ITGB5: variants seen among roughly 807,000 people sequenced by gnomAD.
ITGB5 encodes integrin subunit beta 5.
A neutral mutation model predicts 84.8 loss-of-function variants in ITGB5; 38 were observed. That is an observed-to-expected ratio of 0.45 (90% CI 0.35 to 0.59). The LOEUF (loss-of-function observed/expected upper bound fraction) is 0.59. Ranked by LOEUF, ITGB5 falls within the 20% of genes least tolerant of loss-of-function variation. The pLI, the probability that ITGB5 is intolerant of heterozygous loss-of-function variation, is 0.01. For missense variants in ITGB5, 905 were observed against 1,034.5 expected (o/e 0.87, Z 1.72); for synonymous variants, 393 against 414.4 (o/e 0.95, Z 0.63).
Position 124,766,287 on chromosome 3 carries a change from C to A in ITGB5, c.2076G>T (p.Met692Ile). ...CFYKTAKDCV[M>I]MFTYVELPSG... Reference sequence around the variant, plus strand: ...TGGGGAGCTCCACATAGGTGAACATCATGACGCAGTCCTTGGCGGTTTTGT... The same window carrying A: ...TGGGGAGCTCCACATAGGTGAACATAATGACGCAGTCCTTGGCGGTTTTGT... The change falls in exon 13 of 15, where the codon ATG (methionine) becomes ATT (isoleucine). Residue 692 changes from methionine to isoleucine, a missense_variant. By Grantham distance (10) the Met-to-Ile change is conservative (BLOSUM62 1). Coordinates refer to ENST00000296181, the MANE Select transcript of ITGB5 (RefSeq NM_002213.5). 6.2e-7 allele frequency: 1 copy of A among 1,614,146 alleles called. No individual in the cohort carries two copies. Among genetic ancestry groups the A allele is most frequent in the Non-Finnish European group, 8.5e-7 (1 of 1,180,012 alleles).
chr3:124,767,149 A>G (rs2063779089), intron 12 of ITGB5, among the ~76,000 whole-genome samples: 2 of 152,218 alleles, frequency 1.3e-5, no homozygotes, highest in South Asian at 4.1e-4. Flanking sequence ...AAAGTGAGGC[A>G]AGGGGTGAGG....
rs370853955 is a variant in ITGB5 at position 124,900,862 on chromosome 3, C to A, written c.-255+404G>T. ...TAAATAAAACATTGATTTCTCTGAACAATTGTACCAAACTTTATGCACCAT... is the reference window on the plus strand; with the variant it reads ...TAAATAAAACATTGATTTCTCTGAAAAATTGTACCAAACTTTATGCACCAT... On this transcript the variant is annotated intron_variant, in intron 1 of 4. Coordinates refer to the ITGB5 transcript ENST00000608657. Among the ~76,000 whole-genome samples the A allele has an allele frequency of 2.9e-4, 44 of 152,212 alleles. No individual in the cohort carries two copies. The South Asian group carries it at 6.2e-3, about 22-fold the overall frequency.
At chr3:124,891,259 C>T (rs1236246641), upstream of ITGB5, among the ~76,000 whole-genome samples, 1 of 152,116 alleles carries the variant, frequency 6.6e-6, no homozygotes, top group Non-Finnish European at 1.5e-5. Context: ...AAACAGATAC[C>T]TGTACACCAA....
intron 3 of ITGB5, among the ~76,000 whole-genome samples, chr3:124,853,029 C>G (rs1461472437): frequency 6.6e-6 from 1 of 152,068 alleles, no homozygotes; most frequent in African/African-American, 2.4e-5. Flanking sequence ...CTTCTTTCTT[C>G]TTTTCCCTCA....
chr3:124,835,863 G>C (rs1672899307), intron 5 of ITGB5, among the ~76,000 whole-genome samples: 1 of 152,336 alleles, frequency 6.6e-6, no homozygotes, highest in Middle Eastern at 3.4e-3. Flanking sequence ...GCCTGACTCT[G>C]GGACTGGGGA....
At chr3:124,780,590 G>A in intron 10 of ITGB5, 1 of 152,588 alleles carries the variant, frequency 6.6e-6, no homozygotes, top group Non-Finnish European at 1.5e-5. Context: ...GCCTGAGACA[G>A]GAGGGCCGTC....
chr3:124,850,174 C>T (rs918852352), intron 3 of ITGB5, among the ~76,000 whole-genome samples: 3 of 152,050 alleles, frequency 2.0e-5, no homozygotes, highest in Non-Finnish European at 2.9e-5. Context: ...CTCCTCCCAC[C>T]GTGACAACAA....
At position 124,821,311 on chromosome 3, in the gene ITGB5, A is replaced by T. The variant is rs773925096; in HGVS notation, c.942+2T>A. ...AGGGGGGATCTGGTTCCCGGCACTCACCATCTGGTTGGATGCAGTGTACTC... is the reference window on the plus strand; with the variant it reads ...AGGGGGGATCTGGTTCCCGGCACTCTCCATCTGGTTGGATGCAGTGTACTC... On this transcript the variant is annotated splice_donor_variant, in intron 6 of 14. Transcript: ENST00000296181. LOFTEE classifies it high-confidence loss of function. 4 of 1,611,932 alleles carry T rather than the reference A, an allele frequency of 2.5e-6. No individual in the cohort carries two copies. In the South Asian group the frequency reaches 4.4e-5, roughly 18 times the overall value.
At chr3:124,807,663 T>C (rs532295057) in intron 9 of ITGB5, among the ~76,000 whole-genome samples, 1 of 151,906 alleles carries the variant, frequency 6.6e-6, no homozygotes, top group African/African-American at 2.4e-5. Flanking sequence ...GGTATGTCTG[T>C]GGCTGGGCAC....
chr3:124,777,908 C>CT (rs1298700105), intron 10 of ITGB5, among the ~76,000 whole-genome samples: 1 of 152,232 alleles, frequency 6.6e-6, no homozygotes, highest in Admixed American at 6.5e-5. Flanking sequence ...CCTGCATCTT[C>CT]TGGTCAGCCC....
At chr3:124,869,970 G>A (rs1933909958) in intron 2 of ITGB5, among the ~76,000 whole-genome samples, 2 of 152,180 alleles carry the variant, frequency 1.3e-5, no homozygotes, top group African/African-American at 4.8e-5. Context: ...AGGAGGCTCA[G>A]CTAATCAGCC....
At chr3:124,860,880 G>A (rs1020215780) in intron 2 of ITGB5, among the ~76,000 whole-genome samples, 3 of 152,194 alleles carry the variant, frequency 2.0e-5, no homozygotes, top group African/African-American at 7.2e-5. Flanking sequence ...ACTACCCAAT[G>A]CCCTTTAGAA....
chr3:124,785,572 G>C (rs572738858), intron 10 of ITGB5, among the ~76,000 whole-genome samples: 1 of 137,920 alleles, frequency 7.3e-6, no homozygotes, highest in South Asian at 2.3e-4. Flanking sequence ...GGAACAGAAC[G>C]AGACTCCATC....
At chr3:124,802,254 A>G (rs548414425) in intron 9 of ITGB5, among the ~76,000 whole-genome samples, 4 of 152,354 alleles carry the variant, frequency 2.6e-5, no homozygotes, top group African/African-American at 7.2e-5. Context: ...GGATGTCAGC[A>G]CAGTCACTGG....
chr3:124,834,056 C>T (rs2064894314), intron 5 of ITGB5, among the ~76,000 whole-genome samples: 1 of 152,146 alleles, frequency 6.6e-6, no homozygotes, highest in Admixed American at 6.5e-5. Flanking sequence ...AAAAGGAAAA[C>T]AGATTCCGGG....
In ITGB5 at chr3:124,763,633, G is replaced by T; in HGVS notation, c.2390C>A (p.Thr797Asn). ...TCGGAGAAGGAAACATCAGTCCACAGTGCCATTGTAGGATTTGTTGAACTT... is the reference window on the plus strand; with the variant it reads ...TCGGAGAAGGAAACATCAGTCCACATTGCCATTGTAGGATTTGTTGAACTT... ...FNKFNKSYNGTVD is the reference protein window; with the variant it reads ...FNKFNKSYNGNVD Residue 797 changes from threonine (T) to asparagine (N), a missense_variant, in exon 15 of 15, where the codon ACT (threonine) becomes AAT (asparagine). Transcript: ENST00000296181. 1.3e-6 allele frequency: 2 copies of T among 1,593,282 alleles called. No homozygotes were observed. Among genetic ancestry groups the T allele is most frequent in the Non-Finnish European group, 1.7e-6 (2 of 1,161,210 alleles).
At chr3:124,869,946 A>G (rs1933909148) in intron 2 of ITGB5, among the ~76,000 whole-genome samples, 1 of 152,242 alleles carries the variant, frequency 6.6e-6, no homozygotes, top group South Asian at 2.1e-4. Context: ...CATGGATGAC[A>G]GTGGCAGCCA....
At chr3:124,812,636 C>G (rs1288859465) in intron 8 of ITGB5, among the ~76,000 whole-genome samples, 3 of 152,184 alleles carry the variant, frequency 2.0e-5, no homozygotes, top group Non-Finnish European at 4.4e-5. Context: ...CTCACCAGCA[C>G]TTATTACAGA....
At chr3:124,810,597 T>TA (rs1253400292) in intron 8 of ITGB5, among the ~76,000 whole-genome samples, 3 of 133,794 alleles carry the variant, frequency 2.2e-5, no homozygotes, top group East Asian at 4.2e-4. Flanking sequence ...GATTGTTTCT[T>TA]AAAAAAATTA....
Sources: allele counts gnomAD v4.1 joint callset (sites outside exome capture counted in the v4.1 genomes callset), GRCh38; gene constraint gnomAD v4.1.1; transcripts MANE v1.5; gene names NCBI Gene and HGNC (gene_info 2026-07-23, HGNC 2026-07-21).